The following FNDC7 variants were observed in gnomAD, a reference collection of about 807,000 sequenced individuals.
The protein encoded by FNDC7 is fibronectin type III domain containing 7, also known as fibronectin type III domain-containing protein 7.
A neutral mutation model predicts 74.2 loss-of-function variants in FNDC7; 66 were observed. The ratio of observed to expected loss-of-function variants is 0.89; its 90% CI spans 0.73 to 1.09. The LOEUF is 1.09. Among genes scored for constraint, FNDC7 ranks in the 50% least tolerant of loss-of-function variants. FNDC7 has a pLI of 0.00. For missense variants in FNDC7, 829 were observed against 893.4 expected, an observed-to-expected ratio of 0.93 and a Z score of 0.92; for synonymous variants, 307 against 330.2, an observed-to-expected ratio of 0.93 and a Z score of 0.76.
chr1:108,732,046 G>C (rs1056853736), intron 9 of FNDC7, among the ~76,000 whole-genome samples: 1 of 152,248 alleles, frequency 6.6e-6, no homozygotes, highest in Admixed American at 6.5e-5. Flanking sequence ...CTTGCTCAAG[G>C]TATTTAGAAA....
chr1:108,726,428 C>T (rs1394565565), intron 6 of FNDC7, among the ~76,000 whole-genome samples: 1 of 152,234 alleles, frequency 6.6e-6, no homozygotes, highest in African/African-American at 2.4e-5. Context: ...CCTGGGTTTA[C>T]ACCCTAACTT....
At chr1:108,714,762 C>T (rs1557785546) in intron 2 of FNDC7, among the ~76,000 whole-genome samples, 1 of 151,830 alleles carries the variant, frequency 6.6e-6, no homozygotes, top group East Asian at 1.9e-4. Context: ...CCCGCCACTA[C>T]CCCCGGCTAA....
Position 108,728,791 on chromosome 1 carries a change from G to A in FNDC7, c.1529G>A (p.Arg510Gln), listed in dbSNP as rs573214327. Reference protein sequence around the residue: ...CSSTGESCTMRGLPCGSVFSV... With the variant: ...CSSTGESCTMQGLPCGSVFSV... ...AGCACAGGAGAGTCCTGCACCATGC[G>A]GGGCTTGCCCTGTGGCTCAGTGTTC... The change falls in exon 8 of 13, where the codon CGG becomes CAG. Residue 510 changes from arginine to glutamine, a missense_variant. Physicochemically the swap from Arg to Gln is conservative, Grantham distance 43. Coordinates refer to ENST00000370017, the MANE Select transcript of FNDC7 (RefSeq NM_001144937.3). The A allele has an allele frequency of 2.6e-5, 42 of 1,614,152 alleles. No individual in the cohort carries two copies. In the African/African-American group the frequency reaches 3.2e-4, roughly 12 times the overall value.
rs1660902058 is a variant in FNDC7 at position 108,712,946 on chromosome 1, C to CG, written c.14dup (p.Glu6ArgfsTer15). On this transcript the variant is annotated frameshift_variant, in exon 1 of 13. Transcript: ENST00000370017. LOFTEE classifies it high-confidence loss of function. The stretch of plus-strand genomic sequence containing the variant: ...TATGTCCAACAGGATGGCTGGTGGA[C>CG]GAGAGACATGTTTGCCTTTGATTGG... 3.9e-6 allele frequency: 6 copies of CG among 1,551,550 alleles called. No individual in the cohort carries two copies. Among genetic ancestry groups the CG allele is most frequent in the Non-Finnish European group, 5.2e-6 (6 of 1,146,950 alleles).
chr1:108,735,727 T>G (rs1661498344), intron 10 of FNDC7, among the ~76,000 whole-genome samples: 2 of 152,224 alleles, frequency 1.3e-5, no homozygotes, highest in African/African-American at 4.8e-5. Flanking sequence ...GTACATTTAG[T>G]TCAAACTAGC....
At chr1:108,739,579 G>T (rs1661589999) in intron 11 of FNDC7, among the ~76,000 whole-genome samples, 1 of 152,204 alleles carries the variant, frequency 6.6e-6, no homozygotes, top group African/African-American at 2.4e-5. Flanking sequence ...GGTGATTCGT[G>T]CATGTATTCA....
At chr1:108,735,292 A>G (rs1661483546) in intron 10 of FNDC7, among the ~76,000 whole-genome samples, 2 of 152,146 alleles carry the variant, frequency 1.3e-5, no homozygotes, top group African/African-American at 4.8e-5. Context: ...AGACTACTGC[A>G]CCAGTCCCAT....
rs1660915643 is a variant in FNDC7 at position 108,713,548 on chromosome 1, C to T, written c.82+19C>T. On this transcript the variant is annotated intron_variant, in intron 2 of 12. Transcript: ENST00000370017. Reference sequence around the variant, plus strand: ...AAATCAGGTACAATTTTCTGACCTGCAAGTTTTTCCTTCTCGTATTTGATT... The same window carrying T: ...AAATCAGGTACAATTTTCTGACCTGTAAGTTTTTCCTTCTCGTATTTGATT... 6.5e-7 allele frequency: 1 copy of T among 1,536,062 alleles called. No homozygotes were observed. The highest frequency in any genetic ancestry group is 1.4e-5 in the African/African-American group (1 of 72,020).
At chr1:108,715,440 C>T (rs561772991) in intron 2 of FNDC7, among the ~76,000 whole-genome samples, 1 of 152,340 alleles carries the variant, frequency 6.6e-6, no homozygotes, top group Non-Finnish European at 1.5e-5. Flanking sequence ...TAAAGGGCAA[C>T]ATACTACATA....
chr1:108,718,505 A>G lies in FNDC7; in HGVS notation c.338-284A>G, dbSNP rs371387128. ...AAATGGTGTAACCCCTAATTTTCCC[A>G]TTGATTTATATTATGATTATAGGAA... On this transcript the variant is annotated intron_variant, in intron 3 of 12. Coordinates refer to ENST00000370017, the MANE Select transcript of FNDC7 (RefSeq NM_001144937.3). Among the ~76,000 whole-genome samples, 15 of 152,298 alleles carry G rather than the reference A, an allele frequency of 9.8e-5. No homozygotes were observed. The South Asian group carries it at 1.0e-3, about 11-fold the overall frequency.
chr1:108,714,605 ATTTTTTTTT>A (rs71098692), intron 2 of FNDC7, among the ~76,000 whole-genome samples: 1 of 102,164 alleles, frequency 9.8e-6, no homozygotes, highest in Admixed American at 1.3e-4. Flanking sequence ...ACAAAGTGGC[ATTTTTTTTT>A]TTTTTTTTTT....
At chr1:108,724,469 C>T (rs1036684654) in intron 5 of FNDC7, among the ~76,000 whole-genome samples, 5 of 151,946 alleles carry the variant, frequency 3.3e-5, no homozygotes, top group African/African-American at 1.2e-4. Context: ...GAAAAACTTT[C>T]CAGGTTGCAC....
chr1:108,721,464 G>A (rs576736489), intron 4 of FNDC7, among the ~76,000 whole-genome samples: 76 of 152,034 alleles, frequency 5.0e-4, no homozygotes, highest in African/African-American at 1.8e-3. Flanking sequence ...GCGAGGCTCC[G>A]TCTCAAAAAA....
rs777758159 is a variant in FNDC7 at position 108,737,462 on chromosome 1, A to G, written c.2141-33A>G. On this transcript the variant is annotated intron_variant, in intron 10 of 12. Transcript: ENST00000370017. The stretch of plus-strand genomic sequence containing the variant: ...CTATCTTAAATACATAAATGAATAG[A>G]TTTTATTTTAAATGCTTGTGTTTTT... 56 of 1,538,840 alleles carry G rather than the reference A, an allele frequency of 3.6e-5. 1 individual carries two copies. The South Asian group carries it at 6.6e-4, about 18-fold the overall frequency.
At chr1:108,719,656 A>G (rs1239940011) in intron 4 of FNDC7, among the ~76,000 whole-genome samples, 1 of 151,998 alleles carries the variant, frequency 6.6e-6, no homozygotes, top group Non-Finnish European at 1.5e-5. Flanking sequence ...GCATTTTCTC[A>G]CCGTCCCACC....
chr1:108,728,607 C>A, intron 7 of FNDC7, 25 bp from the exon 8 acceptor site: 1 of 1,611,558 alleles, frequency 6.2e-7, no homozygotes, highest in South Asian at 1.1e-5. Flanking sequence ...CATGCTGGTT[C>A]AATTAATACT....
Position 108,730,909 on chromosome 1 carries a change from C to G in FNDC7, c.1860C>G (p.Ser620=). The change falls in exon 9 of 13, where the codon TCC becomes TCG. Residue 620 remains serine (S), a synonymous_variant. Coordinates refer to ENST00000370017, the MANE Select transcript of FNDC7 (RefSeq NM_001144937.3). The part of the protein sequence containing the change: ...ISATGLTADC[S]YQSYFSGACC... ...CCACCGGGTTGACTGCAGATTGCTC[C>G]TACCAAAGTTATTTCTCTGGTAAGT... 2.5e-6 allele frequency: 4 copies of G among 1,611,638 alleles called. No individual in the cohort carries two copies. Among genetic ancestry groups the G allele is most frequent in the Non-Finnish European group, 3.4e-6 (4 of 1,178,696 alleles).
intron 6 of FNDC7, among the ~76,000 whole-genome samples, chr1:108,726,894 C>T (rs913953201): frequency 1.3e-5 from 2 of 152,168 alleles, no homozygotes; most frequent in Non-Finnish European, 2.9e-5. Context: ...AAGGTCCCGA[C>T]ACGAGAGGGC....
At position 108,725,573 on chromosome 1, in the gene FNDC7, C is replaced by T. The variant is rs551580831; in HGVS notation, c.857-177C>T. On this transcript the variant is annotated intron_variant, in intron 5 of 12. Transcript: ENST00000370017. ...GGGGCCTGTAACATAGCCTTTGGTCCTATAAAGAAAATCTTCTAATGCTTC... is the reference window on the plus strand; with the variant it reads ...GGGGCCTGTAACATAGCCTTTGGTCTTATAAAGAAAATCTTCTAATGCTTC... Among the ~76,000 whole-genome samples, 22 of 152,266 alleles carry T rather than the reference C, an allele frequency of 1.4e-4. 1 individual carries two copies. The highest frequency in any genetic ancestry group is 4.6e-4 in the African/African-American group (19 of 41,530).
Sources: allele counts gnomAD v4.1 joint callset (sites outside exome capture counted in the v4.1 genomes callset), GRCh38; gene constraint gnomAD v4.1.1; transcripts MANE v1.5; gene names NCBI Gene and HGNC (gene_info 2026-07-23, HGNC 2026-07-21).